The following CERS3 variants were observed in gnomAD, a reference collection of about 807,000 sequenced individuals.
CERS3 encodes the protein LAG1 homolog, ceramide synthase 3.
In CERS3, 33 loss-of-function variants were observed where a neutral mutation model predicts 50.3. The observed-to-expected ratio is 0.66, with a 90% CI of 0.50 to 0.88. The LOEUF (loss-of-function observed/expected upper bound fraction) is 0.88. Among genes scored for constraint, CERS3 ranks in the 40% least tolerant of loss-of-function variants. The pLI is 0.00. For missense variants in CERS3, 470 were observed against 460.3 expected, an observed-to-expected ratio of 1.02 and a Z score of -0.19; for synonymous variants, 176 against 155.2, an observed-to-expected ratio of 1.13 and a Z score of -0.99.
intron 3 of CERS3, among the ~76,000 whole-genome samples, chr15:100,497,011 T>C (rs1023790519): frequency 2.6e-5 from 4 of 152,034 alleles, no homozygotes; most frequent in Admixed American, 2.6e-4. Context: ...CAGAGCAATG[T>C]GGAGAGATCA....
At chr15:100,408,501 G>A (rs1396688376) in intron 11 of CERS3, 1 of 151,902 alleles carries the variant, frequency 6.6e-6, no homozygotes, top group Admixed American at 6.6e-5. Flanking sequence ...AAACAGTTGT[G>A]GAATTATGTT....
intron 2 of CERS3, among the ~76,000 whole-genome samples, chr15:100,504,203 G>T (rs980796917): frequency 2.7e-5 from 4 of 150,694 alleles, no homozygotes; most frequent in African/African-American, 9.8e-5. Flanking sequence ...GCAAGGCTGT[G>T]CCCCTGGAGA....
intron 5 of CERS3, among the ~76,000 whole-genome samples, chr15:100,480,326 T>G (rs1043447484): frequency 2.6e-5 from 4 of 152,162 alleles, no homozygotes; most frequent in Non-Finnish European, 4.4e-5. Flanking sequence ...TAGCATAAAG[T>G]AAGCAACAAT....
chr15:100,467,801 A>ATG (rs1567639798), intron 10 of CERS3, among the ~76,000 whole-genome samples: 1 of 97,866 alleles, frequency 1.0e-5, no homozygotes, highest in African/African-American at 3.2e-5. Context: ...ATATGTATAT[A>ATG]TATATACGTC....
At chr15:100,494,247 ATATATATATATT>A (rs1383069478) in intron 3 of CERS3, among the ~76,000 whole-genome samples, 1,104 of 17,358 alleles carry the variant, frequency 0.064, 57 homozygotes, top group Non-Finnish European at 0.14. Context: ...ATATATATAT[ATATATATATATT>A]TGTTTTGAGA....
chr15:100,504,239 CTTTT>C (rs55640205), intron 2 of CERS3, among the ~76,000 whole-genome samples: 60 of 109,956 alleles, frequency 5.5e-4, no homozygotes, highest in Middle Eastern at 4.8e-3. Context: ...TTGGACTATT[CTTTT>C]TTTTTTTTTT....
intron 2 of CERS3, among the ~76,000 whole-genome samples, chr15:100,504,915 A>G (rs192210006): frequency 6.6e-6 from 1 of 152,356 alleles, no homozygotes; most frequent in Non-Finnish European, 1.5e-5. Flanking sequence ...TGCCCAGAAC[A>G]TCTCAGAACA....
At chr15:100,461,884 C>T (rs1259364126) in intron 10 of CERS3, among the ~76,000 whole-genome samples, 3 of 152,118 alleles carry the variant, frequency 2.0e-5, no homozygotes, top group Non-Finnish European at 2.9e-5. Context: ...GCACGGGTAA[C>T]AACCAGCTAT....
At chr15:100,458,679 GAA>G (rs2034454159) in intron 10 of CERS3, among the ~76,000 whole-genome samples, 1 of 152,014 alleles carries the variant, frequency 6.6e-6, no homozygotes, top group African/African-American at 2.4e-5. Context: ...AAAATCACCT[GAA>G]GTCTCACAAC....
intron 1 of CERS3, among the ~76,000 whole-genome samples, chr15:100,541,355 C>A (rs550577638): frequency 6.6e-6 from 1 of 152,228 alleles, no homozygotes; most frequent in Admixed American, 6.5e-5. Context: ...GCCTGTAATC[C>A]CAGCTACTCC....
At chr15:100,447,522 T>A (rs1479293471) in intron 11 of CERS3, among the ~76,000 whole-genome samples, 1 of 152,216 alleles carries the variant, frequency 6.6e-6, no homozygotes, top group South Asian at 2.1e-4. Context: ...GGGCCACTGG[T>A]CATTCGTATT....
intron 4 of CERS3, among the ~76,000 whole-genome samples, chr15:100,488,668 T>C (rs2035555758): frequency 6.6e-6 from 1 of 152,234 alleles, no homozygotes; most frequent in Admixed American, 6.5e-5. Context: ...TGATATACTA[T>C]ACGAATACTG....
Position 100,472,916 on chromosome 15 carries a change from A to G in CERS3, c.738+8T>C, listed in dbSNP as rs2035012957. 1.2e-6 allele frequency: 2 copies of G among 1,613,712 alleles called. No homozygotes were observed. The highest frequency in any genetic ancestry group is 3.3e-5 in the Admixed American group (2 of 59,996). ...ATTGTCATTAGTTTTTTAATGGCAA[A>G]CGTTTACCTCCAGCCAAATGTCAGC... is the stretch of plus-strand genomic sequence containing the variant. On this transcript the variant is annotated splice_region_variant and intron_variant, in intron 9 of 11. Transcript: ENST00000679737.
chr15:100,467,837 G>GTATATATATACA (rs1555528303), intron 10 of CERS3, among the ~76,000 whole-genome samples: 1,549 of 56,332 alleles, frequency 0.027, 66 homozygotes, highest in African/African-American at 0.082. Flanking sequence ...ATATATACGT[G>GTATATATATACA]TATATATATA....
At chr15:100,404,573 C>T (rs931329320) in intron 11 of CERS3, among the ~76,000 whole-genome samples, 5 of 152,136 alleles carry the variant, frequency 3.3e-5, no homozygotes, top group East Asian at 1.9e-4. Flanking sequence ...AGATTCCACG[C>T]AATACTAATC....
chr15:100,490,055 G>T (rs903321334), intron 4 of CERS3, among the ~76,000 whole-genome samples: 2 of 152,136 alleles, frequency 1.3e-5, no homozygotes, highest in Non-Finnish European at 1.5e-5. Flanking sequence ...TAAAATTACT[G>T]GGGATAGCTG....
At chr15:100,507,842 G>A (rs558570743) in intron 2 of CERS3, among the ~76,000 whole-genome samples, 53 of 152,360 alleles carry the variant, frequency 3.5e-4, no homozygotes, top group African/African-American at 1.1e-3. Flanking sequence ...AGCGGCGGCC[G>A]TGACTGCTGC....
At chr15:100,519,491 C>T (rs1353465047) in intron 2 of CERS3, among the ~76,000 whole-genome samples, 1 of 152,174 alleles carries the variant, frequency 6.6e-6, no homozygotes, top group Non-Finnish European at 1.5e-5. Context: ...ACCAGCTACT[C>T]CCTGGAATAT....
intron 1 of CERS3, among the ~76,000 whole-genome samples, chr15:100,542,253 A>G (rs1246913787): frequency 2.0e-5 from 3 of 152,246 alleles, no homozygotes; most frequent in African/African-American, 7.2e-5. Flanking sequence ...AAAAAGTAAC[A>G]TAATAACTGG....
Sources: gnomAD v4.1 joint callset for allele counts (sites outside exome capture counted in the v4.1 genomes callset) on GRCh38, gnomAD v4.1.1 for gene constraint, MANE v1.5 for transcripts, NCBI Gene and HGNC (gene_info 2026-07-23, HGNC 2026-07-21) for gene names.